ISM1: variants seen among roughly 807,000 people sequenced by gnomAD.
ISM1 encodes isthmin-1.
ISM1 carries 25 observed loss-of-function variants against 46.3 expected under a neutral mutation model. The observed-to-expected ratio is 0.54, with a 90% CI of 0.39 to 0.75. The LOEUF is 0.75. Ranked by LOEUF, ISM1 falls within the 30% of genes least tolerant of loss-of-function variation. The pLI, the probability that ISM1 is intolerant of heterozygous loss-of-function variation, is 0.00. For missense variants in ISM1, 536 were observed against 625.4 expected, an observed-to-expected ratio of 0.86 and a Z score of 1.52; for synonymous variants, 255 against 256.7, an observed-to-expected ratio of 0.99 and a Z score of 0.06.
At chr20:13,256,395 CAAAAAAAAAA>C (rs559300861) in intron 1 of ISM1, among the ~76,000 whole-genome samples, 2 of 71,802 alleles carry the variant, frequency 2.8e-5, no homozygotes, top group East Asian at 3.6e-4. Context: ...GACCCCGTCT[CAAAAAAAAAA>C]AAAAAAAAAA....
the ISM1 span, among the ~76,000 whole-genome samples, chr20:13,307,235 A>C: frequency 6.6e-6 from 1 of 152,188 alleles, no homozygotes; most frequent in African/African-American, 2.4e-5. Flanking sequence ...ACCCTCTTAT[A>C]GCCAATTGGC....
At chr20:13,230,567 T>C (rs1323663209) in intron 1 of ISM1, among the ~76,000 whole-genome samples, 1 of 152,130 alleles carries the variant, frequency 6.6e-6, no homozygotes, top group East Asian at 1.9e-4. Flanking sequence ...AATTTTATGA[T>C]TTGTAAAGAA....
At chr20:13,305,369 T>C (rs1191627811), downstream of ISM1, among the ~76,000 whole-genome samples, 1 of 152,210 alleles carries the variant, frequency 6.6e-6, no homozygotes, top group Non-Finnish European at 1.5e-5. Context: ...GGAGTGGGAC[T>C]GCTCAAATCA....
At chr20:13,307,895 C>G in the ISM1 span, among the ~76,000 whole-genome samples, 1 of 152,156 alleles carries the variant, frequency 6.6e-6, no homozygotes, top group Non-Finnish European at 1.5e-5. Flanking sequence ...TATGGACAGT[C>G]CAGGGTGTGC....
chr20:13,321,143 C>G, the ISM1 span, among the ~76,000 whole-genome samples: 1 of 150,600 alleles, frequency 6.6e-6, no homozygotes, highest in Non-Finnish European at 1.5e-5. Context: ...TGAAGGTTTC[C>G]GTGAGCTGAG....
chr20:13,249,221 C>G (rs140301380), intron 1 of ISM1, among the ~76,000 whole-genome samples: 5 of 152,320 alleles, frequency 3.3e-5, no homozygotes, highest in Non-Finnish European at 5.9e-5. Flanking sequence ...CTGTTCTCCC[C>G]ACCACTGAAA....
chr20:13,232,594 G>A (rs1205594019), intron 1 of ISM1, among the ~76,000 whole-genome samples: 5 of 152,176 alleles, frequency 3.3e-5, no homozygotes, highest in South Asian at 2.1e-4. Context: ...GAACATTCAG[G>A]TATAAGCCTT....
At chr20:13,281,746 A>G (rs1334122707) in intron 3 of ISM1, among the ~76,000 whole-genome samples, 1 of 152,196 alleles carries the variant, frequency 6.6e-6, no homozygotes, top group Non-Finnish European at 1.5e-5. Flanking sequence ...CCACTGAGTG[A>G]GAGAAGCACA....
At chr20:13,273,454 T>A (rs1461969665) in intron 2 of ISM1, among the ~76,000 whole-genome samples, 1 of 152,056 alleles carries the variant, frequency 6.6e-6, no homozygotes, top group Non-Finnish European at 1.5e-5. Context: ...CAGGCTGGTC[T>A]CAAACTCCTG....
intron 1 of ISM1, among the ~76,000 whole-genome samples, chr20:13,263,240 T>C (rs1600522666): frequency 6.6e-6 from 1 of 152,178 alleles, no homozygotes; most frequent in Admixed American, 6.5e-5. Flanking sequence ...CAGCAGCTGG[T>C]CAGCCTTGTC....
chr20:13,305,780 G>A, the ISM1 span, among the ~76,000 whole-genome samples: 4 of 152,338 alleles, frequency 2.6e-5, no homozygotes, highest in East Asian at 7.7e-4. Flanking sequence ...GAATTTATGA[G>A]ACTAGCAATT....
At chr20:13,248,757 C>T (rs905643732) in intron 1 of ISM1, among the ~76,000 whole-genome samples, 1 of 152,176 alleles carries the variant, frequency 6.6e-6, no homozygotes, top group Non-Finnish European at 1.5e-5. Flanking sequence ...TTCCCTTGAT[C>T]CCCAGATGTT....
intron 1 of ISM1, among the ~76,000 whole-genome samples, chr20:13,233,683 C>T (rs1364452078): frequency 6.6e-6 from 1 of 151,718 alleles, no homozygotes; most frequent in Non-Finnish European, 1.5e-5. Flanking sequence ...ACCTTCTGGG[C>T]ACATGGGACA....
intron 5 of ISM1, among the ~76,000 whole-genome samples, chr20:13,296,371 C>A (rs1343495984): frequency 6.6e-6 from 1 of 152,060 alleles, no homozygotes; most frequent in Non-Finnish European, 1.5e-5. Context: ...ACTCAGATCC[C>A]CATCAATAAA....
chr20:13,286,723 G>A (rs976093958), intron 3 of ISM1, among the ~76,000 whole-genome samples: 1 of 152,184 alleles, frequency 6.6e-6, no homozygotes, highest in Non-Finnish European at 1.5e-5. Context: ...GTGTTTGCCT[G>A]AGGCATGTTC....
intron 1 of ISM1, among the ~76,000 whole-genome samples, chr20:13,232,371 T>G (rs1344086957): frequency 6.6e-6 from 1 of 152,246 alleles, no homozygotes; most frequent in Non-Finnish European, 1.5e-5. Flanking sequence ...AGTGTTGGAT[T>G]TCCTAGACTT....
In ISM1 at chr20:13,221,387, C is replaced by T. The variant is rs1035035389; in HGVS notation, c.-390C>T. ...GGGCTCGGCTGCGCCCGCCCCGCCG[C>T]CGACCCCGCAGCCCCCTGCCAGCAG... On this transcript the variant is annotated 5_prime_UTR_variant, in exon 1 of 6. Transcript: ENST00000262487. Among the ~76,000 whole-genome samples the T allele has an allele frequency of 6.8e-6, 1 of 147,788 alleles. No individual in the cohort carries two copies. The highest frequency in any genetic ancestry group is 2.4e-5 in the African/African-American group (1 of 40,834).
intron 1 of ISM1, among the ~76,000 whole-genome samples, chr20:13,232,278 C>A (rs1304972501): frequency 6.6e-6 from 1 of 152,130 alleles, no homozygotes; most frequent in Non-Finnish European, 1.5e-5. Flanking sequence ...ATAAATCTAC[C>A]ATCTGAAAAG....
chr20:13,256,976 T>C (rs2039936270), intron 1 of ISM1, among the ~76,000 whole-genome samples: 1 of 151,754 alleles, frequency 6.6e-6, no homozygotes, highest in African/African-American at 2.4e-5. Flanking sequence ...GAAAAAACAG[T>C]GAAGAGAAAA....
Sources: gnomAD v4.1 joint callset for allele counts (sites outside exome capture counted in the v4.1 genomes callset) on GRCh38, gnomAD v4.1.1 for gene constraint, MANE v1.5 for transcripts, NCBI Gene and HGNC (gene_info 2026-07-23, HGNC 2026-07-21) for gene names.